The following PLEKHM3 variants were observed in gnomAD, a reference collection of about 807,000 sequenced individuals.
PLEKHM3 encodes the protein pleckstrin homology domain containing M3, also known as pleckstrin homology domain-containing family M member 3.
PLEKHM3 carries 45 observed loss-of-function variants against 81.8 expected under a neutral mutation model. That is an observed-to-expected ratio of 0.55 (90% CI 0.43 to 0.71). The LOEUF (loss-of-function observed/expected upper bound fraction) is 0.71. Among genes scored for constraint, PLEKHM3 ranks in the 30% least tolerant of loss-of-function variants. The probability of loss-of-function intolerance (pLI) is 0.00; values close to 1 mark genes in which losing one functional copy is unlikely to be tolerated. For missense variants in PLEKHM3, 788 were observed against 924.3 expected, an observed-to-expected ratio of 0.85 and a Z score of 1.91; for synonymous variants, 352 against 356.4, an observed-to-expected ratio of 0.99 and a Z score of 0.14.
chr2:207,987,744 C>A (rs1407457200), intron 2 of PLEKHM3, among the ~76,000 whole-genome samples: 3 of 152,174 alleles, frequency 2.0e-5, no homozygotes, highest in Non-Finnish European at 4.4e-5. Context: ...GGTCCTCCTT[C>A]ATTCTTTACA....
At chr2:207,839,609 C>T (rs1408148922) in intron 7 of PLEKHM3, among the ~76,000 whole-genome samples, 1 of 152,038 alleles carries the variant, frequency 6.6e-6, no homozygotes, top group African/African-American at 2.4e-5. Flanking sequence ...GTGATGCAGC[C>T]AAGCCAGCAT....
At chr2:207,971,171 GC>G (rs1244809118) in intron 3 of PLEKHM3, among the ~76,000 whole-genome samples, 1 of 152,188 alleles carries the variant, frequency 6.6e-6, no homozygotes, top group African/African-American at 2.4e-5. Flanking sequence ...AAGTCCTTGG[GC>G]CCTTTTATTA....
intron 5 of PLEKHM3, 102 bp downstream of exon 5, chr2:207,930,824 G>A (rs1689566546): frequency 7.5e-7 from 1 of 1,328,554 alleles, no homozygotes; most frequent in East Asian, 2.4e-5. Context: ...CACAAAATTA[G>A]AGGCGGTCCG....
In PLEKHM3 at chr2:207,823,242, C is replaced by T. The variant is rs942256882; in HGVS notation, c.*5077G>A. 7 of 152,166 alleles carry T rather than the reference C, an allele frequency of 4.6e-5. No homozygotes were observed. Among genetic ancestry groups the T allele is most frequent in the African/African-American group, 1.7e-4 (7 of 41,436 alleles). 9.4% of individuals were successfully genotyped at this position (152,166 alleles called of 1,614,324 possible). A position where few individuals can be genotyped will look rare whatever the true frequency, so the allele number is the denominator to read the frequency against. On this transcript the variant is annotated 3_prime_UTR_variant, in exon 8 of 8. Transcript: ENST00000427836. ...TCTCACTTGAGTTTAGCAATGCTTT[C>T]CATCACACCAGCGGCCACTTTACGA...
At chr2:207,912,995 T>A (rs555425396) in intron 5 of PLEKHM3, among the ~76,000 whole-genome samples, 15 of 152,276 alleles carry the variant, frequency 9.9e-5, no homozygotes, top group Non-Finnish European at 2.1e-4. Flanking sequence ...TTCCAAGGGC[T>A]TTCCTCTGCT....
chr2:207,877,628 G>A (rs542380482), intron 6 of PLEKHM3, among the ~76,000 whole-genome samples: 1 of 152,178 alleles, frequency 6.6e-6, no homozygotes, highest in Non-Finnish European at 1.5e-5. Flanking sequence ...GAGAGAAGAG[G>A]TTTTGTTGGT....
chr2:207,883,306 T>A (rs1687765643), intron 6 of PLEKHM3, among the ~76,000 whole-genome samples: 2 of 152,190 alleles, frequency 1.3e-5, no homozygotes, highest in South Asian at 4.1e-4. Flanking sequence ...AGACTAGGCA[T>A]CAAAACATCA....
At chr2:207,851,335 C>T (rs1312579621) in intron 7 of PLEKHM3, 1 of 152,032 alleles carries the variant, frequency 6.6e-6, no homozygotes, top group East Asian at 1.9e-4. Context: ...CTGGATTAGG[C>T]TTTAGCAAAG....
chr2:207,844,430 G>A (rs1357343077), intron 7 of PLEKHM3, among the ~76,000 whole-genome samples: 150 of 150,522 alleles, frequency 1.0e-3, no homozygotes, highest in Non-Finnish European at 1.5e-3. Context: ...AGCCTCCGGA[G>A]TAGCTGGGAC....
chr2:207,945,737 C>G (rs553334013), intron 4 of PLEKHM3, among the ~76,000 whole-genome samples: 2 of 152,134 alleles, frequency 1.3e-5, no homozygotes, highest in Non-Finnish European at 2.9e-5. Flanking sequence ...CCCGTCTCTA[C>G]TAAAAATACA....
intron 3 of PLEKHM3, among the ~76,000 whole-genome samples, chr2:207,959,841 A>T (rs1690671213): frequency 6.6e-6 from 1 of 152,124 alleles, no homozygotes; most frequent in Non-Finnish European, 1.5e-5. Context: ...CTTCCTTTAA[A>T]TCCATGCTTG....
chr2:208,008,287 A>G (rs528123021), intron 1 of PLEKHM3, among the ~76,000 whole-genome samples: 2 of 151,848 alleles, frequency 1.3e-5, no homozygotes, highest in South Asian at 4.1e-4. Flanking sequence ...TTCCAGTTCT[A>G]AAAGTAATAA....
rs1288807184 is a variant in PLEKHM3 at position 207,931,142 on chromosome 2, C to T, written c.1693-23G>A. The T allele has an allele frequency of 3.1e-6, 5 of 1,591,282 alleles. No homozygotes were observed. In the South Asian group the frequency reaches 5.6e-5, roughly 18 times the overall value. The stretch of plus-strand genomic sequence containing the variant: ...CACCTACAAAACAAGCGTCGTCAGT[C>T]AGTCCTGGAGAAGCACCTGGCTCTC... On this transcript the variant is annotated intron_variant, in intron 4 of 7. Transcript: ENST00000427836.
chr2:207,985,762 G>A (rs1027244770), intron 2 of PLEKHM3, among the ~76,000 whole-genome samples: 6 of 151,940 alleles, frequency 3.9e-5, no homozygotes, highest in African/African-American at 4.8e-5. Context: ...TGAGGTGGGC[G>A]GATCACAAGG....
chr2:208,007,081 TC>T (rs1692518494), intron 1 of PLEKHM3, among the ~76,000 whole-genome samples: 1 of 152,172 alleles, frequency 6.6e-6, no homozygotes, highest in Admixed American at 6.5e-5. Context: ...GCTGACTTCC[TC>T]CCTCTTAGCT....
chr2:207,899,515 G>A (rs1688349136), intron 6 of PLEKHM3, among the ~76,000 whole-genome samples: 1 of 152,140 alleles, frequency 6.6e-6, no homozygotes, highest in Admixed American at 6.5e-5. Flanking sequence ...AATATTTGCT[G>A]AATGAATAAA....
intron 6 of PLEKHM3, chr2:207,901,354 C>T (rs1176084280): frequency 2.8e-6 from 2 of 702,938 alleles, no homozygotes; most frequent in Non-Finnish European, 5.2e-6. Context: ...TCTGCACCAG[C>T]ACCTTGCTAA....
In PLEKHM3 at chr2:207,977,100, C is replaced by T; in HGVS notation, c.1097G>A (p.Gly366Glu). The T allele has an allele frequency of 6.2e-7, 1 of 1,614,096 alleles. No individual in the cohort carries two copies. The highest frequency in any genetic ancestry group is 8.5e-7 in the Non-Finnish European group (1 of 1,180,008). The stretch of plus-strand genomic sequence containing the variant: ...TTGGACAGTCAGCCTGTAGAGAGTC[C>T]CTGATTTGAGGATGTTTTGGTACTG... ...SKQYQNILKS[G>E]TLYRLTVQNN... Residue 366 changes from glycine (G) to glutamate (E), a missense_variant, in exon 3 of 8, where the codon GGG becomes GAG. Transcript: ENST00000427836.
In PLEKHM3 at chr2:207,846,673, A is replaced by G. The variant is rs12328554; in HGVS notation, c.2108+14432T>C. 6.5e-3 allele frequency among the ~76,000 whole-genome samples: 994 copies of G among 152,052 alleles called. 13 individuals carry two copies. The highest frequency in any genetic ancestry group is 0.023 in the African/African-American group (943 of 41,504). On this transcript the variant is annotated intron_variant, in intron 7 of 7. Transcript: ENST00000427836. ...GGGAGGCAGAGGTTGCAGAAAGCCAAGATGGTGCCACTGCACTCCAGCCTG... is the reference window on the plus strand; with the variant it reads ...GGGAGGCAGAGGTTGCAGAAAGCCAGGATGGTGCCACTGCACTCCAGCCTG...
Sources: allele counts gnomAD v4.1 joint callset (sites outside exome capture counted in the v4.1 genomes callset), GRCh38; gene constraint gnomAD v4.1.1; transcripts MANE v1.5; gene names NCBI Gene and HGNC (gene_info 2026-07-23, HGNC 2026-07-21).